The following LCTL variants were observed in gnomAD, a reference collection of about 807,000 sequenced individuals.
LCTL encodes the protein lactase-like protein.
A neutral mutation model predicts 75.8 loss-of-function variants in LCTL; 76 were observed. That is an observed-to-expected ratio of 1.00 (90% CI 0.83 to 1.21). The LOEUF (loss-of-function observed/expected upper bound fraction) is 1.21, where lower values mean the gene tolerates loss of function less well. LCTL is among the 50% of genes most tolerant of loss of function. The pLI is 0.00. For missense variants in LCTL, 670 were observed against 712.4 expected, an observed-to-expected ratio of 0.94 and a Z score of 0.68; for synonymous variants, 271 against 268.8, an observed-to-expected ratio of 1.01 and a Z score of -0.08.
intron 8 of LCTL, among the ~76,000 whole-genome samples, chr15:66,557,247 G>A (rs563194150): frequency 7.2e-5 from 11 of 152,236 alleles, no homozygotes; most frequent in Admixed American, 3.9e-4. Context: ...TTTCTGTTAC[G>A]TGGCAGTTAA....
chr15:66,559,551 CA>C (rs1188516313), intron 6 of LCTL, among the ~76,000 whole-genome samples: 1 of 151,332 alleles, frequency 6.6e-6, no homozygotes, highest in Non-Finnish European at 1.5e-5. Context: ...ACTAAAAATT[CA>C]AAAAAATTAG....
intron 9 of LCTL, among the ~76,000 whole-genome samples, chr15:66,552,667 C>CAA (rs752480803): frequency 0.018 from 941 of 52,214 alleles, 43 homozygotes; most frequent in African/African-American, 0.04. Context: ...GAGACTGTCT[C>CAA]AAAAAAAAAA....
intron 8 of LCTL, 34 bp downstream of exon 9, chr15:66,557,688 T>C: frequency 6.2e-7 from 1 of 1,600,738 alleles, no homozygotes. Context: ...TAACTTGCCC[T>C]AGTATCTGCA....
Position 66,548,606 on chromosome 15 carries a change from C to G in LCTL, c.1589-1G>C, listed in dbSNP as rs779146379. ...ATTTGCATGTGACTTAGCAAGGGCT[C>G]TGAAATGACAAAGAGAACGAGCACC... On this transcript the variant is annotated splice_acceptor_variant, in intron 12 of 12. Coordinates refer to ENST00000341509, the Ensembl canonical transcript of LCTL. LOFTEE classifies it high-confidence loss of function. The G allele has an allele frequency of 6.6e-7, 1 of 1,524,334 alleles. No homozygotes were observed. The highest frequency in any genetic ancestry group is 1.1e-5 in the South Asian group (1 of 89,094). The allele number at this position is 1,524,334 out of a possible 1,614,324, so 94.4% of individuals were successfully genotyped here. A position where few individuals can be genotyped will look rare whatever the true frequency, so the allele number is the denominator to read the frequency against.
chr15:66,552,495 A>T (rs189905380), intron 9 of LCTL, among the ~76,000 whole-genome samples: 1 of 152,012 alleles, frequency 6.6e-6, no homozygotes, highest in Admixed American at 6.6e-5. Flanking sequence ...ACATGGTGAA[A>T]ACCTGTCTCT....
upstream of LCTL, chr15:66,565,513 A>C: frequency 1.7e-6 from 1 of 587,342 alleles, no homozygotes; most frequent in Non-Finnish European, 3.0e-6. Context: ...CCAGCAGCAG[A>C]GGCTGAGGCT....
intron 2 of LCTL, 198 bp from the exon 4 acceptor site, chr15:66,564,196 C>T (rs939479270): frequency 2.9e-5 from 17 of 592,692 alleles, no homozygotes; most frequent in African/African-American, 1.5e-4. Flanking sequence ...TCAAAGAAAA[C>T]GCAGGACAGG....
intron 1 of LCTL, 116 bp from the exon 3 acceptor site, chr15:66,564,955 G>T: frequency 7.6e-6 from 7 of 921,814 alleles, no homozygotes; most frequent in Non-Finnish European, 1.1e-5. Context: ...CGCTGCCCCT[G>T]TCCCACTGGG....
chr15:66,551,440 A>G (rs1291278492), intron 11 of LCTL, among the ~76,000 whole-genome samples: 1 of 151,988 alleles, frequency 6.6e-6, no homozygotes, highest in African/African-American at 2.4e-5. Context: ...CTTAAAGCAA[A>G]CGGAACTCCT....
At chr15:66,561,415 C>T (rs1279652029) in intron 4 of LCTL, 100 bp from the exon 6 acceptor site, 3 of 1,330,608 alleles carry the variant, frequency 2.3e-6, no homozygotes, top group Admixed American at 1.9e-5. Flanking sequence ...AGGAGGGAGG[C>T]CGCACAGGGA....
intron 1 of LCTL, 108 bp downstream of exon 2, chr15:66,565,140 C>T: frequency 1.2e-6 from 1 of 805,634 alleles, no homozygotes; most frequent in South Asian, 1.5e-5. Context: ...AGGTAGGTTT[C>T]TCATCCTGCC....
At chr15:66,565,861 G>A (rs2140857939), upstream of LCTL, 1 of 158,510 alleles carries the variant, frequency 6.3e-6, no homozygotes, top group Admixed American at 6.5e-5. Flanking sequence ...GCTTACCCAG[G>A]ATCGTCCTTG....
chr15:66,558,599 G>A (rs564239404), intron 6 of LCTL, among the ~76,000 whole-genome samples: 3 of 151,902 alleles, frequency 2.0e-5, no homozygotes, highest in African/African-American at 7.2e-5. Context: ...TAATAGACAT[G>A]CAAATCCATG....
intron 8 of LCTL, among the ~76,000 whole-genome samples, chr15:66,553,493 C>T (rs1012659610): frequency 5.9e-5 from 9 of 152,180 alleles, no homozygotes; most frequent in East Asian, 3.9e-4. Flanking sequence ...TGGTGGCTCA[C>T]GCCTATAATC....
At chr15:66,562,960 G>A (rs1303325620) in intron 4 of LCTL, among the ~76,000 whole-genome samples, 4 of 152,146 alleles carry the variant, frequency 2.6e-5, no homozygotes, top group Non-Finnish European at 2.9e-5. Flanking sequence ...GAAAACAAAA[G>A]GATTCACTCT....
At chr15:66,553,405 G>T in intron 8 of LCTL, 147 bp from the exon 10 acceptor site, 1 of 624,182 alleles carries the variant, frequency 1.6e-6, no homozygotes. Context: ...CATCCAAAGT[G>T]GAATTTTTGA....
chr15:66,563,553 G>A, exon 4 of LCTL: 2 of 1,612,628 alleles, frequency 1.2e-6, no homozygotes, highest in South Asian at 2.2e-5. Context: ...CACGATGGGA[G>A]TGATGTTGCT....
At chr15:66,553,176 T>C in exon 9 of LCTL, 2 of 1,611,244 alleles carry the variant, frequency 1.2e-6, no homozygotes, top group Non-Finnish European at 1.7e-6. Context: ...AGAAATCGGA[T>C]GTGCCTTTAA....
intron 1 of LCTL, 141 bp downstream of exon 2, chr15:66,565,104 TAGG>T: frequency 1.4e-6 from 1 of 715,384 alleles, no homozygotes; most frequent in Non-Finnish European, 2.5e-6. Context: ...AAATATCTGT[TAGG>T]AGCTTTTAGA....
Sources: gnomAD v4.1 joint callset for allele counts (sites outside exome capture counted in the v4.1 genomes callset) on GRCh38, gnomAD v4.1.1 for gene constraint, MANE v1.5 for transcripts, NCBI Gene and HGNC (gene_info 2026-07-23, HGNC 2026-07-21) for gene names.